ROBO1: variants seen among roughly 807,000 people sequenced by gnomAD.
ROBO1 encodes the protein roundabout guidance receptor 1.
In ROBO1, 149 loss-of-function variants were observed where a neutral mutation model predicts 195.9. The observed-to-expected ratio is 0.76, with a 90% CI of 0.67 to 0.87. The LOEUF (loss-of-function observed/expected upper bound fraction) is 0.87, where lower values mean the gene tolerates loss of function less well. ROBO1 is among the 40% of genes least tolerant of loss of function. The pLI is 0.00. For synonymous variants in ROBO1, 816 were observed against 733.2 expected (o/e 1.11, Z -1.82); for missense variants, 1,933 against 2,068.3 (o/e 0.93, Z 1.27).
intron 2 of ROBO1, among the ~76,000 whole-genome samples, chr3:79,208,076 T>C (rs1051247915): frequency 6.6e-5 from 10 of 152,320 alleles, no homozygotes; most frequent in African/African-American, 1.9e-4. Flanking sequence ...AAGTTCCCCA[T>C]GCTCAAATCT....
intron 2 of ROBO1, among the ~76,000 whole-genome samples, chr3:79,452,658 T>G (rs559623910): frequency 6.6e-6 from 1 of 152,268 alleles, no homozygotes; most frequent in South Asian, 2.1e-4. Flanking sequence ...TAGTTTAATA[T>G]TTCTAAAATT....
intron 1 of ROBO1, among the ~76,000 whole-genome samples, chr3:79,675,838 A>G (rs932753606): frequency 1.3e-5 from 2 of 152,092 alleles, no homozygotes; most frequent in Non-Finnish European, 2.9e-5. Flanking sequence ...TTCTGAAGAC[A>G]GTCTAAGAAG....
chr3:79,424,810 G>A (rs1156710244), intron 2 of ROBO1, among the ~76,000 whole-genome samples: 1 of 152,060 alleles, frequency 6.6e-6, no homozygotes, highest in Non-Finnish European at 1.5e-5. Context: ...AAGATACGTT[G>A]GGCCAGTTAG....
At chr3:79,543,200 G>T (rs772265673) in intron 2 of ROBO1, among the ~76,000 whole-genome samples, 1 of 151,922 alleles carries the variant, frequency 6.6e-6, no homozygotes, top group Non-Finnish European at 1.5e-5. Context: ...ATCACTTTGG[G>T]TAATATTTTT....
intron 3 of ROBO1, among the ~76,000 whole-genome samples, chr3:78,977,101 T>A (rs770512723): frequency 1.3e-5 from 2 of 152,192 alleles, no homozygotes; most frequent in Non-Finnish European, 2.9e-5. Flanking sequence ...TTCTTTCTCT[T>A]GTAAAATAAC....
chr3:79,100,697 T>A (rs2079659690), intron 3 of ROBO1, among the ~76,000 whole-genome samples: 1 of 151,840 alleles, frequency 6.6e-6, no homozygotes, highest in South Asian at 2.1e-4. Flanking sequence ...TGAAAGCATG[T>A]TCAGGGGATT....
chr3:78,811,318 GTAAT>G (rs2084732530), intron 4 of ROBO1, among the ~76,000 whole-genome samples: 1 of 152,144 alleles, frequency 6.6e-6, no homozygotes, highest in African/African-American at 2.4e-5. Flanking sequence ...ACATTCTAGT[GTAAT>G]TAGAGGCAAG....
intron 4 of ROBO1, among the ~76,000 whole-genome samples, chr3:78,913,662 C>T (rs1289062413): frequency 1.3e-5 from 2 of 151,738 alleles, no homozygotes; most frequent in African/African-American, 4.8e-5. Context: ...TACGGTGTTA[C>T]GTGTATTACT....
intron 2 of ROBO1, among the ~76,000 whole-genome samples, chr3:79,367,287 G>A (rs2036014888): frequency 6.6e-6 from 1 of 152,064 alleles, no homozygotes; most frequent in Non-Finnish European, 1.5e-5. Context: ...TGGAATCAGG[G>A]AATTTCCAGC....
intron 1 of ROBO1, among the ~76,000 whole-genome samples, chr3:79,712,143 G>A (rs944278531): frequency 6.6e-6 from 1 of 152,142 alleles, no homozygotes; most frequent in African/African-American, 2.4e-5. Context: ...GAAAGGAAGA[G>A]TTGCATATCT....
chr3:79,703,082 C>T (rs1947665258), intron 1 of ROBO1, among the ~76,000 whole-genome samples: 1 of 151,824 alleles, frequency 6.6e-6, no homozygotes, highest in African/African-American at 2.4e-5. Flanking sequence ...AGAAATAAAT[C>T]AAGTCTTAAA....
intron 2 of ROBO1, among the ~76,000 whole-genome samples, chr3:79,333,831 G>C (rs2034548512): frequency 6.6e-6 from 1 of 152,130 alleles, no homozygotes; most frequent in Admixed American, 6.6e-5. Context: ...CTGTGCCTCA[G>C]TTTCCTCATC....
intron 3 of ROBO1, among the ~76,000 whole-genome samples, chr3:78,969,987 T>C (rs2076727470): frequency 6.6e-6 from 1 of 152,160 alleles, no homozygotes; most frequent in Non-Finnish European, 1.5e-5. Flanking sequence ...TTTTAAAATA[T>C]AATCTTTTTG....
chr3:79,423,520 G>C (rs748937765), intron 2 of ROBO1, among the ~76,000 whole-genome samples: 14 of 151,984 alleles, frequency 9.2e-5, no homozygotes, highest in Non-Finnish European at 8.8e-5. Flanking sequence ...TAAATAAATA[G>C]GTCCATATTT....
chr3:79,432,314 A>C (rs1353110675), intron 2 of ROBO1, among the ~76,000 whole-genome samples: 1 of 152,066 alleles, frequency 6.6e-6, no homozygotes, highest in Non-Finnish European at 1.5e-5. Context: ...ATTCCAGTTT[A>C]CTTATTTGTG....
intron 4 of ROBO1, among the ~76,000 whole-genome samples, chr3:78,896,392 C>G (rs1399816914): frequency 4.6e-5 from 7 of 152,020 alleles, no homozygotes; most frequent in African/African-American, 1.7e-4. Context: ...TGATGACATT[C>G]CACCATTGTA....
intron 3 of ROBO1, among the ~76,000 whole-genome samples, chr3:79,108,886 A>G (rs1354203934): frequency 1.3e-5 from 2 of 152,016 alleles, no homozygotes; most frequent in African/African-American, 2.4e-5. Context: ...TTGAAAAGAA[A>G]TAATGAACAA....
At chr3:79,643,318 T>C (rs1398783655) in intron 1 of ROBO1, among the ~76,000 whole-genome samples, 1 of 152,180 alleles carries the variant, frequency 6.6e-6, no homozygotes, top group East Asian at 1.9e-4. Context: ...GGACTTGGAC[T>C]GGCTTCCTTG....
intron 4 of ROBO1, among the ~76,000 whole-genome samples, chr3:78,797,811 C>G (rs557615146): frequency 6.4e-4 from 97 of 151,846 alleles, no homozygotes; most frequent in Middle Eastern, 6.8e-3. Flanking sequence ...ATAAAATAAC[C>G]CTGAAAATCA....
Sources: allele counts gnomAD v4.1 joint callset (sites outside exome capture counted in the v4.1 genomes callset), GRCh38; gene constraint gnomAD v4.1.1; transcripts MANE v1.5; gene names NCBI Gene and HGNC (gene_info 2026-07-23, HGNC 2026-07-21).